Variants in SMARCAD1 observed in about 807,000 individuals in gnomAD.
SMARCAD1 encodes SWI/SNF-related matrix-associated actin-dependent regulator of chromatin subfamily A containing DEAD/H box 1.
Under a neutral mutation model 127.1 loss-of-function variants are expected in SMARCAD1, and 25 were observed. That is an observed-to-expected ratio of 0.20 (90% CI 0.14 to 0.27). SMARCAD1 has a LOEUF of 0.27. SMARCAD1 is among the 10% of genes least tolerant of loss of function. SMARCAD1 has a pLI of 1.00. For synonymous variants in SMARCAD1, 400 were observed against 396.9 expected (o/e 1.01, Z -0.09); for missense variants, 807 against 1,206.0 (o/e 0.67, Z 4.90).
At position 94,291,011 on chromosome 4, in the gene SMARCAD1, T is replaced by A. The variant is rs1242341196; in HGVS notation, c.*1477T>A. 1 of 444,030 alleles carries A rather than the reference T, an allele frequency of 2.3e-6. No homozygotes were observed. The highest frequency in any genetic ancestry group is 4.5e-6 in the Non-Finnish European group (1 of 222,454). 27.5% of individuals were successfully genotyped at this position (444,030 alleles called of 1,614,324 possible). On this transcript the variant is annotated 3_prime_UTR_variant, in exon 24 of 24. Transcript: ENST00000354268. ...TGAACAGACTGAATATATTTTACCA[T>A]TACAGGGCTAAAAGGAGTCTTCATG...
At position 94,277,221 on chromosome 4, in the gene SMARCAD1, C is replaced by T. The variant is rs1337806769; in HGVS notation, c.2082+62C>T. 5.1e-6 allele frequency: 8 copies of T among 1,575,904 alleles called. No individual in the cohort carries two copies. The African/African-American group carries it at 8.1e-5, about 16-fold the overall frequency. ...TTTGTGTTTTATCTGGGCCATTCTTCTGTTAGGTCTCTTTTGTTGTTTTCA... is the reference window on the plus strand; with the variant it reads ...TTTGTGTTTTATCTGGGCCATTCTTTTGTTAGGTCTCTTTTGTTGTTTTCA... On this transcript the variant is annotated intron_variant, in intron 16 of 23. Coordinates refer to ENST00000354268, the MANE Select transcript of SMARCAD1 (RefSeq NM_020159.5).
chr4:94,237,497 C>T lies in SMARCAD1; in HGVS notation c.604+479C>T, dbSNP rs533995212. Among the ~76,000 whole-genome samples the T allele has an allele frequency of 2.4e-4, 22 of 92,646 alleles. No individual in the cohort carries two copies. In the East Asian group the frequency reaches 9.3e-3, roughly 39 times the overall value. 60.8% of individuals were successfully genotyped at this position (92,646 alleles called of 152,430 possible). On this transcript the variant is annotated intron_variant, in intron 5 of 23. Transcript: ENST00000354268. Reference sequence around the variant, plus strand: ...CTCGATTTTTTTTAACTTACACATACTAAAAAAAAAAAAAGTAAAAATCAC... The same window carrying T: ...CTCGATTTTTTTTAACTTACACATATTAAAAAAAAAAAAAGTAAAAATCAC...
chr4:94,222,739 G>A (rs957864137), intron 2 of SMARCAD1, among the ~76,000 whole-genome samples: 1 of 152,116 alleles, frequency 6.6e-6, no homozygotes, highest in Admixed American at 6.5e-5. Context: ...GAGGCAGGTG[G>A]ATCACCTGAT....
chr4:94,284,532 G>A (rs541156525), intron 22 of SMARCAD1, among the ~76,000 whole-genome samples: 132 of 150,568 alleles, frequency 8.8e-4, no homozygotes, highest in Non-Finnish European at 1.6e-3. Flanking sequence ...CCAACTGCTA[G>A]GATTACAGGT....
In SMARCAD1 at chr4:94,226,111, T is replaced by C. The variant is rs373127175; in HGVS notation, c.191-8T>C. ...CAAAATATTTTTCTCCTTTTTATTC[T>C]CTTGCAGAAGATTCTAGTGTTCCAG... On this transcript the variant is annotated splice_region_variant and splice_polypyrimidine_tract_variant and intron_variant, in intron 2 of 23. Transcript: ENST00000354268. 29 of 1,605,738 alleles carry C rather than the reference T, an allele frequency of 1.8e-5. No individual in the cohort carries two copies. The highest frequency in any genetic ancestry group is 2.4e-5 in the Non-Finnish European group (28 of 1,173,432).
intron 22 of SMARCAD1, among the ~76,000 whole-genome samples, chr4:94,283,636 T>TA (rs1262963757): frequency 2.0e-5 from 3 of 152,050 alleles, no homozygotes; most frequent in African/African-American, 7.2e-5. Flanking sequence ...CCATCCTGGT[T>TA]AACAGGGTGA....
upstream of SMARCAD1, chr4:94,207,833 C>G (rs189334154): frequency 6.4e-5 from 21 of 327,860 alleles, no homozygotes; most frequent in East Asian, 1.4e-3. Flanking sequence ...TGTTCTTAAT[C>G]CTATCAGCTT....
At chr4:94,273,783 G>A in intron 12 of SMARCAD1, 67 bp downstream of exon 12, 2 of 1,248,448 alleles carry the variant, frequency 1.6e-6, no homozygotes, top group African/African-American at 1.5e-5. Flanking sequence ...GAGAGTGTGT[G>A]TAAGGGTGTG....
At chr4:94,208,880 A>G (rs2110508377) in intron 2 of SMARCAD1, among the ~76,000 whole-genome samples, 1 of 152,274 alleles carries the variant, frequency 6.6e-6, no homozygotes, top group Admixed American at 6.5e-5. Flanking sequence ...GAGCGATGTC[A>G]GTGATTCAGT....
chr4:94,236,082 A>T (rs1290684789), intron 4 of SMARCAD1, among the ~76,000 whole-genome samples: 1 of 152,154 alleles, frequency 6.6e-6, no homozygotes, highest in Admixed American at 6.5e-5. Context: ...GTTGTGAAAT[A>T]GTTCTAAGCT....
chr4:94,284,342 AAAAAAAAAAAAG>A (rs1288656611), intron 22 of SMARCAD1, among the ~76,000 whole-genome samples: 3 of 104,574 alleles, frequency 2.9e-5, no homozygotes, highest in Admixed American at 1.1e-4. Flanking sequence ...AAAAAAAAAA[AAAAAAAAAAAAG>A]AAAAAAGTAA....
At chr4:94,238,726 T>G (rs1200914190) in intron 5 of SMARCAD1, among the ~76,000 whole-genome samples, 1 of 152,246 alleles carries the variant, frequency 6.6e-6, no homozygotes, top group Non-Finnish European at 1.5e-5. Context: ...CAATACATTC[T>G]TGCTCTCACA....
At chr4:94,217,186 G>A (rs1375988177) in intron 2 of SMARCAD1, among the ~76,000 whole-genome samples, 1 of 152,020 alleles carries the variant, frequency 6.6e-6, no homozygotes, top group Non-Finnish European at 1.5e-5. Flanking sequence ...AATCTCCTCT[G>A]AATTTTATTT....
intron 11 of SMARCAD1, among the ~76,000 whole-genome samples, chr4:94,271,103 T>TC (rs1301422598): frequency 6.6e-6 from 1 of 152,198 alleles, no homozygotes; most frequent in Non-Finnish European, 1.5e-5. Flanking sequence ...CACCTGTAAT[T>TC]CTACCACTTA....
At chr4:94,230,060 G>A (rs1157237872) in intron 3 of SMARCAD1, among the ~76,000 whole-genome samples, 1 of 151,760 alleles carries the variant, frequency 6.6e-6, no homozygotes, top group African/African-American at 2.4e-5. Flanking sequence ...TAAATGTTTT[G>A]TTATTCATTT....
chr4:94,227,494 T>C (rs1160019706), intron 3 of SMARCAD1, among the ~76,000 whole-genome samples: 1 of 152,044 alleles, frequency 6.6e-6, no homozygotes, highest in Admixed American at 6.5e-5. Context: ...GGATAATAAG[T>C]GGTTAGATTC....
chr4:94,242,741 C>CA (rs35038953), intron 6 of SMARCAD1, among the ~76,000 whole-genome samples: 54,385 of 127,438 alleles, frequency 0.43, 11,030 homozygotes, highest in East Asian at 0.71. Context: ...CCTGTCTCTG[C>CA]AAAAAAAAAA....
chr4:94,221,247 T>C (rs1744074492), intron 2 of SMARCAD1, among the ~76,000 whole-genome samples: 1 of 152,232 alleles, frequency 6.6e-6, no homozygotes, highest in Admixed American at 6.5e-5. Flanking sequence ...TATCATGAAA[T>C]GTGTCGACCT....
At chr4:94,281,018 CTTAA>C (rs1419743645) in intron 20 of SMARCAD1, among the ~76,000 whole-genome samples, 3 of 152,104 alleles carry the variant, frequency 2.0e-5, no homozygotes, top group East Asian at 1.9e-4. Context: ...TTAAAAAAAT[CTTAA>C]TTGTCATTAT....
Sources: allele counts gnomAD v4.1 joint callset (sites outside exome capture counted in the v4.1 genomes callset), GRCh38; gene constraint gnomAD v4.1.1; transcripts MANE v1.5; gene names NCBI Gene and HGNC (gene_info 2026-07-23, HGNC 2026-07-21).